Variants in UBR3 observed in about 807,000 individuals in gnomAD.
The protein encoded by UBR3 is ubiquitin protein ligase E3 component n-recognin 3, also known as E3 ubiquitin-protein ligase UBR3.
In UBR3, 85 loss-of-function variants were observed where a neutral mutation model predicts 243.2. That is an observed-to-expected ratio of 0.35 (90% CI 0.29 to 0.42). The LOEUF (loss-of-function observed/expected upper bound fraction) is 0.42. UBR3 is among the 10% of genes least tolerant of loss of function. UBR3 has a pLI of 1.00. For missense variants in UBR3, 1,686 were observed against 2,300.8 expected (o/e 0.73, Z 5.47); for synonymous variants, 748 against 799.8 (o/e 0.94, Z 1.09).
At chr2:170,002,819 G>C (rs2089761936) in intron 27 of UBR3, among the ~76,000 whole-genome samples, 1 of 152,008 alleles carries the variant, frequency 6.6e-6, no homozygotes. Context: ...TATAGCTGAA[G>C]ACTTCTCTTT....
At chr2:169,952,569 C>G (rs1030741980) in intron 23 of UBR3, among the ~76,000 whole-genome samples, 1 of 152,044 alleles carries the variant, frequency 6.6e-6, no homozygotes, top group African/African-American at 2.4e-5. Context: ...GTGGCGTGTG[C>G]CTGTAGTCCC....
chr2:170,007,189 C>A lies in UBR3; in HGVS notation c.4229C>A (p.Pro1410Gln). 6.3e-7 allele frequency: 1 copy of A among 1,587,370 alleles called. No homozygotes were observed. Among genetic ancestry groups the A allele is most frequent in the South Asian group, 1.1e-5 (1 of 87,346 alleles). Residue 1410 changes from proline to glutamine, a missense_variant and splice_region_variant, in exon 28 of 39, where the codon CCA (proline) becomes CAA (glutamine). This residue lies in a region of UBR3 where 371 missense variants were observed against 422.5 expected (regional missense o/e 0.88). Transcript: ENST00000272793. ...EELQGRPGAF[P>Q]SETNLSKEME... ...CTGCAGGGACGACCGGGAGCTTTCC[C>A]AGTAAGCATCAGTGTAAGGCATAAA...
intron 1 of UBR3, among the ~76,000 whole-genome samples, chr2:169,838,387 TTGTGTGTGTGTGTGTGTGTGTGTGTGTG>T (rs544974959): frequency 2.0e-4 from 23 of 114,388 alleles, no homozygotes; most frequent in African/African-American, 4.6e-4. Context: ...ATTAAGGCAT[TTGTGTGTGTGTGTGTGTGTGTGTGTGTG>T]TGTGTGTGTG....
chr2:169,983,388 G>A (rs1266883514), intron 24 of UBR3, among the ~76,000 whole-genome samples: 1 of 151,018 alleles, frequency 6.6e-6, no homozygotes, highest in East Asian at 2.0e-4. Flanking sequence ...AGCCTCCTGA[G>A]TAGCTGGGAT....
intron 23 of UBR3, among the ~76,000 whole-genome samples, chr2:169,950,634 T>A (rs2105361932): frequency 6.6e-6 from 1 of 152,058 alleles, no homozygotes; most frequent in Admixed American, 6.6e-5. Flanking sequence ...AAAATGGGAT[T>A]TTTTTAAAAT....
intron 5 of UBR3, among the ~76,000 whole-genome samples, chr2:169,881,946 ATATG>A (rs1175621447): frequency 2.5e-5 from 3 of 119,302 alleles, no homozygotes; most frequent in Admixed American, 9.3e-5. Context: ...ATATAATTAC[ATATG>A]TATGTATACA....
At chr2:169,970,399 G>C (rs201522044) in intron 24 of UBR3, among the ~76,000 whole-genome samples, 1 of 120,748 alleles carries the variant, frequency 8.3e-6, no homozygotes, top group Non-Finnish European at 1.7e-5. Context: ...TGTATACATT[G>C]TGTCATGCTG....
At chr2:169,908,177 G>T (rs2085093441) in intron 10 of UBR3, among the ~76,000 whole-genome samples, 2 of 151,988 alleles carry the variant, frequency 1.3e-5, no homozygotes, top group Non-Finnish European at 2.9e-5. Flanking sequence ...TCTTTTGTTG[G>T]CTCAGAGTTT....
In UBR3 at chr2:169,933,024, TGATTAGC is replaced by T; in HGVS notation, c.2663+17_2663+23del. 1 of 1,492,282 alleles carries T rather than the reference TGATTAGC, an allele frequency of 6.7e-7. No individual in the cohort carries two copies. Among genetic ancestry groups the T allele is most frequent in the Non-Finnish European group, 8.9e-7 (1 of 1,118,320 alleles). The allele number at this position is 1,492,282 out of a possible 1,614,324, so 92.4% of individuals were successfully genotyped here. A position where few individuals can be genotyped will look rare whatever the true frequency, so the allele number is the denominator to read the frequency against. ...ATACTGCATTGTAAGTCCATCAAATTGATTAGCATCATAACAGTATTTTATATTTATA... is the reference window on the plus strand; with the variant it reads ...ATACTGCATTGTAAGTCCATCAAATTATCATAACAGTATTTTATATTTATA... On this transcript the variant is annotated intron_variant, in intron 19 of 38. Transcript: ENST00000272793.
chr2:170,058,489 C>T (rs1335909061), intron 33 of UBR3, among the ~76,000 whole-genome samples: 2 of 149,698 alleles, frequency 1.3e-5, no homozygotes, highest in East Asian at 2.0e-4. Flanking sequence ...TTCCTTCCTT[C>T]CTTTTCCTTT....
chr2:169,981,167 A>AT (rs2088711665), intron 24 of UBR3, among the ~76,000 whole-genome samples: 1 of 152,146 alleles, frequency 6.6e-6, no homozygotes, highest in Admixed American at 6.6e-5. Context: ...AATACCTAGT[A>AT]TTTTATGTAG....
intron 36 of UBR3, among the ~76,000 whole-genome samples, chr2:170,075,467 T>C (rs1207034657): frequency 6.6e-6 from 1 of 152,200 alleles, no homozygotes; most frequent in Non-Finnish European, 1.5e-5. Flanking sequence ...TGAATGATTA[T>C]TGTATGTATG....
chr2:170,081,348 A>G (rs1559244713), intron 38 of UBR3, among the ~76,000 whole-genome samples: 1 of 152,000 alleles, frequency 6.6e-6, no homozygotes, highest in Non-Finnish European at 1.5e-5. Context: ...AAAATACAAA[A>G]AATTAGCCGG....
rs1559064410 is a variant in UBR3, at chr2:169,890,581, G to GTATATATATGTATATATATATATATGTA, written c.1039-575_1039-574insGTATATATATATATATGTATATATATAT. ...TATATATATGTGTATATATATATAT[G>GTATATATATGTATATATATATATATGTA]TATATATATATGTATATATATGTAT... On this transcript the variant is annotated intron_variant, in intron 5 of 38. Transcript: ENST00000272793. Among the ~76,000 whole-genome samples the GTATATATATGTATATATATATATATGTA allele has an allele frequency of 1.5e-4, 14 of 96,526 alleles. 1 individual carries two copies. The highest frequency in any genetic ancestry group is 7.0e-4 in the African/African-American group (14 of 20,106). The allele number at this position is 96,526 out of a possible 152,430, so 63.3% of individuals were successfully genotyped here. A position where few individuals can be genotyped will look rare whatever the true frequency, so the allele number is the denominator to read the frequency against.
At chr2:169,930,461 A>T (rs1011781189) in intron 18 of UBR3, among the ~76,000 whole-genome samples, 3 of 151,622 alleles carry the variant, frequency 2.0e-5, no homozygotes, top group Non-Finnish European at 4.4e-5. Context: ...ATCATAGCTC[A>T]CTGCACCCTT....
chr2:169,943,779 G>A (rs1394273276), intron 20 of UBR3, among the ~76,000 whole-genome samples: 1 of 151,956 alleles, frequency 6.6e-6, no homozygotes, highest in Non-Finnish European at 1.5e-5. Context: ...GAGAATATTT[G>A]TTATACAAAT....
At chr2:169,974,846 A>G (rs2088349926) in intron 24 of UBR3, among the ~76,000 whole-genome samples, 1 of 152,008 alleles carries the variant, frequency 6.6e-6, no homozygotes, top group South Asian at 2.1e-4. Context: ...AGGTTTTGGT[A>G]TGTTGTGTTT....
At chr2:170,024,456 T>C (rs1414300862) in intron 30 of UBR3, among the ~76,000 whole-genome samples, 1 of 152,058 alleles carries the variant, frequency 6.6e-6, no homozygotes. Flanking sequence ...TTTGAAAGAT[T>C]TCAACATATG....
chr2:170,032,478 A>G (rs2090699099), intron 31 of UBR3, among the ~76,000 whole-genome samples: 1 of 152,040 alleles, frequency 6.6e-6, no homozygotes, highest in African/African-American at 2.4e-5. Context: ...CTGTGTAACA[A>G]CAACAACAAA....
Sources: allele counts gnomAD v4.1 joint callset (sites outside exome capture counted in the v4.1 genomes callset), GRCh38; gene constraint gnomAD v4.1.1; regional missense constraint gnomAD v4.1.1; transcripts MANE v1.5; gene names NCBI Gene and HGNC (gene_info 2026-07-23, HGNC 2026-07-21).